RIN3: variants seen among roughly 807,000 people sequenced by gnomAD.
RIN3 encodes RAB5 interacting protein 3.
In RIN3, 54 loss-of-function variants were observed where a neutral mutation model predicts 76.3. The observed-to-expected ratio is 0.71, with a 90% CI of 0.57 to 0.89. The LOEUF (loss-of-function observed/expected upper bound fraction) is 0.89. Among genes scored for constraint, RIN3 ranks in the 40% least tolerant of loss-of-function variants. RIN3 has a pLI of 0.00. For synonymous variants in RIN3, 576 were observed against 564.0 expected (o/e 1.02, Z -0.30); for missense variants, 1,256 against 1,322.1 (o/e 0.95, Z 0.78).
intron 1 of RIN3, among the ~76,000 whole-genome samples, chr14:92,535,113 C>A (rs1331764632): frequency 6.6e-6 from 1 of 152,194 alleles, no homozygotes; most frequent in Admixed American, 6.5e-5. Context: ...ATTCCCCGAT[C>A]CTCACGCTGT....
chr14:92,570,532 C>T (rs561615938), intron 2 of RIN3, among the ~76,000 whole-genome samples: 2 of 152,114 alleles, frequency 1.3e-5, no homozygotes, highest in East Asian at 3.9e-4. Flanking sequence ...CATGGTAGTG[C>T]GTGCCTGTAA....
At chr14:92,607,634 G>A (rs924668503) in intron 3 of RIN3, among the ~76,000 whole-genome samples, 4 of 152,154 alleles carry the variant, frequency 2.6e-5, no homozygotes, top group African/African-American at 7.2e-5. Flanking sequence ...AACTACAGAT[G>A]GCCTTACCAC....
intron 4 of RIN3, among the ~76,000 whole-genome samples, chr14:92,634,621 T>A (rs1886711555): frequency 6.6e-6 from 1 of 152,010 alleles, no homozygotes; most frequent in Non-Finnish European, 1.5e-5. Flanking sequence ...ATCCCAGCAC[T>A]TTGGGAGGCC....
At chr14:92,545,270 T>C (rs1367365588) in intron 1 of RIN3, among the ~76,000 whole-genome samples, 2 of 151,900 alleles carry the variant, frequency 1.3e-5, no homozygotes, top group Non-Finnish European at 2.9e-5. Flanking sequence ...CCACCACGCC[T>C]GGCTAATTTT....
At chr14:92,520,997 C>T (rs1487455432) in intron 1 of RIN3, among the ~76,000 whole-genome samples, 1 of 152,166 alleles carries the variant, frequency 6.6e-6, no homozygotes, top group African/African-American at 2.4e-5. Context: ...TTTGACGGAG[C>T]ATCCATCTAA....
At chr14:92,616,700 C>T (rs550793227) in intron 4 of RIN3, among the ~76,000 whole-genome samples, 1 of 152,234 alleles carries the variant, frequency 6.6e-6, no homozygotes, top group East Asian at 1.9e-4. Context: ...TCTTGATGGG[C>T]AGGGTTGGTG....
chr14:92,590,564 T>C (rs141796941), intron 3 of RIN3, among the ~76,000 whole-genome samples: 170 of 152,336 alleles, frequency 1.1e-3, no homozygotes, highest in Non-Finnish European at 1.9e-3. Context: ...GCTGAGCTGA[T>C]ACGAGCACCG....
In RIN3 at chr14:92,561,042, A is replaced by ATAT. The variant is rs1461986249; in HGVS notation, c.249+5087_249+5088insTAT. ...GTCTAAAAAAAAAAAAAAAAAAAAA[A>ATAT]AAATATATATATATCTGCCATATAT... On this transcript the variant is annotated intron_variant, in intron 2 of 9. Transcript: ENST00000216487. Among the ~76,000 whole-genome samples, 18 of 19,370 alleles carry ATAT rather than the reference A, an allele frequency of 9.3e-4. 3 individuals carry two copies. Among genetic ancestry groups the ATAT allele is most frequent in the South Asian group, 8.4e-3 (3 of 356 alleles). 12.7% of individuals were successfully genotyped at this position (19,370 alleles called of 152,430 possible). A position where few individuals can be genotyped will look rare whatever the true frequency, so the allele number is the denominator to read the frequency against.
intron 4 of RIN3, among the ~76,000 whole-genome samples, chr14:92,634,116 C>T (rs1268327865): frequency 6.8e-6 from 1 of 146,004 alleles, no homozygotes; most frequent in African/African-American, 2.5e-5. Context: ...CTATTGTTGC[C>T]CAGGCTGGAG....
chr14:92,678,583 TCATCTACCCATCCACATATC>T (rs527609800), intron 8 of RIN3, among the ~76,000 whole-genome samples: 181 of 147,986 alleles, frequency 1.2e-3, no homozygotes, highest in African/African-American at 4.2e-3. Context: ...CTCCACATAT[TCATCTACCCATCCACATATC>T]CATCTACCCA....
intron 3 of RIN3, among the ~76,000 whole-genome samples, chr14:92,613,640 T>A (rs141074264): frequency 2.0e-5 from 3 of 152,306 alleles, no homozygotes; most frequent in Non-Finnish European, 4.4e-5. Context: ...CGCAAACTGA[T>A]GTCACCTATG....
intron 2 of RIN3, among the ~76,000 whole-genome samples, chr14:92,556,646 T>C (rs1897591773): frequency 6.6e-6 from 1 of 152,152 alleles, no homozygotes; most frequent in Non-Finnish European, 1.5e-5. Context: ...TGATAGATGA[T>C]GAAATATGAG....
At chr14:92,566,599 G>C (rs1566845733) in intron 2 of RIN3, among the ~76,000 whole-genome samples, 1 of 152,172 alleles carries the variant, frequency 6.6e-6, no homozygotes, top group Non-Finnish European at 1.5e-5. Flanking sequence ...TTAGCAAGGA[G>C]GGGGAGAGGG....
intron 1 of RIN3, among the ~76,000 whole-genome samples, chr14:92,548,055 T>C (rs984344718): frequency 3.9e-5 from 6 of 152,176 alleles, no homozygotes; most frequent in African/African-American, 1.4e-4. Context: ...TTATAAAAAT[T>C]TGAAACAAAC....
At chr14:92,633,944 C>T (rs1886681383) in intron 4 of RIN3, among the ~76,000 whole-genome samples, 1 of 151,788 alleles carries the variant, frequency 6.6e-6, no homozygotes, top group Admixed American at 6.6e-5. Flanking sequence ...TCTCTGGTTA[C>T]AGAGGTTTGG....
At chr14:92,549,794 G>T (rs1347517079) in intron 1 of RIN3, among the ~76,000 whole-genome samples, 1 of 152,246 alleles carries the variant, frequency 6.6e-6, no homozygotes, top group Non-Finnish European at 1.5e-5. Flanking sequence ...AAGCCTGTGG[G>T]CCTGCTGCTC....
At chr14:92,560,463 C>A (rs1022871080) in intron 2 of RIN3, among the ~76,000 whole-genome samples, 1 of 152,132 alleles carries the variant, frequency 6.6e-6, no homozygotes, top group African/African-American at 2.4e-5. Context: ...TGTGCTGTTA[C>A]GAAGATTGGC....
intron 1 of RIN3, among the ~76,000 whole-genome samples, chr14:92,530,031 A>G (rs1300733940): frequency 2.0e-5 from 3 of 152,244 alleles, no homozygotes; most frequent in African/African-American, 7.2e-5. Context: ...CCCTAGGAGC[A>G]ATGATTCAGT....
At position 92,681,315 on chromosome 14, in the gene RIN3, A is replaced by G. The variant is rs865844382; in HGVS notation, c.2468-3672A>G. 7.7e-5 allele frequency among the ~76,000 whole-genome samples: 10 copies of G among 129,226 alleles called. No individual in the cohort carries two copies. Among genetic ancestry groups the G allele is most frequent in the Non-Finnish European group, 1.5e-4 (9 of 60,756 alleles). 84.8% of individuals were successfully genotyped at this position (129,226 alleles called of 152,430 possible). On this transcript the variant is annotated intron_variant, in intron 8 of 9. Transcript: ENST00000216487. This position sits in a 1 kb window ranked among gnomAD's most constrained non-coding sequence, Gnocchi z 4.7. ...GAAGGCTGGCAGAGAGAGAGGCCTC[A>G]CGAAGAAGTCAGACTCCAGCACCAA...
Sources: gnomAD v4.1 joint callset for allele counts (sites outside exome capture counted in the v4.1 genomes callset) on GRCh38, gnomAD v4.1.1 for gene constraint, Gnocchi (gnomAD v3.1) non-coding constraint, MANE v1.5 for transcripts, NCBI Gene and HGNC (gene_info 2026-07-23, HGNC 2026-07-21) for gene names.